Variants in EPB41 observed in about 807,000 individuals in gnomAD.
EPB41 encodes the protein protein 4.1.
Under a neutral mutation model 108.0 loss-of-function variants are expected in EPB41, and 65 were observed. That is an observed-to-expected ratio of 0.60 (90% CI 0.49 to 0.74). The LOEUF is 0.74. Ranked by LOEUF, EPB41 falls within the 30% of genes least tolerant of loss-of-function variation. The probability of loss-of-function intolerance (pLI) is 0.00; values close to 1 mark genes in which losing one functional copy is unlikely to be tolerated. For missense variants in EPB41, 875 were observed against 1,037.0 expected (o/e 0.84, Z 2.15); for synonymous variants, 336 against 358.9 (o/e 0.94, Z 0.72).
rs140065972 is a variant in EPB41, at chr1:28,987,790, T to G, written c.353T>G (p.Phe118Cys). Residue 118 changes from phenylalanine to cysteine, a missense_variant, in exon 2 of 21, where the codon TTT becomes TGT. Physicochemically the swap from Phe to Cys is radical, Grantham distance 205 (BLOSUM62 -2). This residue lies in a region of EPB41 where 353 missense variants were observed against 393.2 expected (regional missense o/e 0.90). Coordinates refer to ENST00000343067, the MANE Select transcript of EPB41 (RefSeq NM_001376013.1). ...GAAGGAGGTCAGAAAGAGATAGAATTTGGAACCAGTCTTGATGAAGAGATC... is the reference window on the plus strand; with the variant it reads ...GAAGGAGGTCAGAAAGAGATAGAATGTGGAACCAGTCTTGATGAAGAGATC... ...KGEGGQKEIE[F>C]GTSLDEEIIL... The G allele has an allele frequency of 4.3e-6, 7 of 1,613,970 alleles. No homozygotes were observed. The highest frequency in any genetic ancestry group is 1.7e-5 in the Admixed American group (1 of 59,978).
At chr1:28,910,898 T>C (rs1406978177), upstream of EPB41, 2 of 864,170 alleles carry the variant, frequency 2.3e-6, no homozygotes, top group Non-Finnish European at 2.8e-6. Flanking sequence ...ATAGAGATGG[T>C]CCTTAGGGAC....
chr1:29,057,373 CA>C (rs72047998), intron 12 of EPB41, among the ~76,000 whole-genome samples: 3,518 of 65,096 alleles, frequency 0.054, 21 homozygotes, highest in Middle Eastern at 0.08. Flanking sequence ...GACTCTGTCT[CA>C]AAAAAAAAAA....
intron 1 of EPB41, among the ~76,000 whole-genome samples, chr1:28,895,165 G>A (rs539762978): frequency 6.6e-6 from 1 of 152,204 alleles, no homozygotes; most frequent in South Asian, 2.1e-4. Context: ...TATCCATAAT[G>A]CTATTTGGCT....
chr1:28,983,273 A>G (rs753020418), intron 1 of EPB41, among the ~76,000 whole-genome samples: 8 of 152,216 alleles, frequency 5.3e-5, no homozygotes, highest in Non-Finnish European at 1.2e-4. Context: ...ACAAGGATTT[A>G]TTTGTTGAGC....
At chr1:29,079,536 A>G (rs1655545559) in intron 16 of EPB41, among the ~76,000 whole-genome samples, 1 of 150,722 alleles carries the variant, frequency 6.6e-6, no homozygotes, top group Non-Finnish European at 1.5e-5. Flanking sequence ...TCAGCTTCCC[A>G]AGTAGCTGGG....
chr1:28,890,064 G>A (rs1238386725), intron 1 of EPB41, among the ~76,000 whole-genome samples: 1 of 151,630 alleles, frequency 6.6e-6, no homozygotes, highest in East Asian at 1.9e-4. Flanking sequence ...TTGAGACAGA[G>A]TCTCACTCTG....
At chr1:28,890,026 T>G (rs963740606) in intron 1 of EPB41, among the ~76,000 whole-genome samples, 5 of 138,464 alleles carry the variant, frequency 3.6e-5, no homozygotes. Flanking sequence ...ATTTTTATTT[T>G]TATTTTATTT....
intron 1 of EPB41, among the ~76,000 whole-genome samples, chr1:28,971,046 C>A (rs1190297835): frequency 6.6e-6 from 1 of 151,968 alleles, no homozygotes; most frequent in Admixed American, 6.6e-5. Flanking sequence ...GAGGGTTTCA[C>A]CATGTTGGCC....
intron 1 of EPB41, among the ~76,000 whole-genome samples, chr1:28,939,429 A>G (rs893897135): frequency 1.3e-5 from 2 of 151,664 alleles, no homozygotes; most frequent in Non-Finnish European, 1.5e-5. Context: ...TTGTGTCTAT[A>G]TTTATTTATT....
chr1:29,096,680 G>A, intron 16 of EPB41: 1 of 842,646 alleles, frequency 1.2e-6, no homozygotes, highest in Non-Finnish European at 1.4e-6. Context: ...TGGAGGAGGT[G>A]GTGGTGGTAT....
intron 1 of EPB41, among the ~76,000 whole-genome samples, chr1:28,939,199 T>C (rs2094174991): frequency 1.3e-5 from 2 of 152,290 alleles, no homozygotes; most frequent in African/African-American, 4.8e-5. Context: ...AGTGATTTTT[T>C]ATCATGAAAG....
intron 16 of EPB41, chr1:29,069,320 G>A (rs1650097466): frequency 2.4e-6 from 3 of 1,231,338 alleles, no homozygotes; most frequent in Non-Finnish European, 3.0e-6. Context: ...ACTATGGATA[G>A]CAGAGTACAG....
intron 1 of EPB41, among the ~76,000 whole-genome samples, chr1:28,939,516 T>C (rs2094187453): frequency 6.6e-6 from 1 of 152,180 alleles, no homozygotes; most frequent in Non-Finnish European, 1.5e-5. Flanking sequence ...CGATCTTGGC[T>C]CACTGCAATG....
At chr1:28,929,136 T>C (rs2093602929) in intron 1 of EPB41, among the ~76,000 whole-genome samples, 1 of 152,224 alleles carries the variant, frequency 6.6e-6, no homozygotes, top group South Asian at 2.1e-4. Flanking sequence ...TGGGAACTAA[T>C]TATTATTTTA....
chr1:29,055,823 G>A (rs1033283307), intron 12 of EPB41, among the ~76,000 whole-genome samples: 1 of 150,538 alleles, frequency 6.6e-6, no homozygotes, highest in Non-Finnish European at 1.5e-5. Context: ...AGCTATTTGG[G>A]AGGCTGAGGC....
intron 4 of EPB41, 56 bp downstream of exon 4, chr1:28,997,375 T>C (rs2096204193): frequency 9.2e-7 from 1 of 1,088,570 alleles, no homozygotes; most frequent in Non-Finnish European, 1.4e-6. Context: ...TTAATTCTTT[T>C]GTTGTTAAGA....
intron 20 of EPB41, among the ~76,000 whole-genome samples, chr1:29,116,445 C>T (rs1246031543): frequency 1.3e-5 from 2 of 152,078 alleles, no homozygotes; most frequent in African/African-American, 2.4e-5. Flanking sequence ...TGAGCCACCG[C>T]GCCTGGCCAG....
chr1:28,982,396 G>C, intron 1 of EPB41: 1 of 730,844 alleles, frequency 1.4e-6, no homozygotes, highest in South Asian at 1.4e-5. Flanking sequence ...ACAAACTTTC[G>C]CAAAAGACTT....
intron 1 of EPB41, among the ~76,000 whole-genome samples, chr1:28,940,705 T>C (rs777196590): frequency 6.6e-6 from 1 of 152,154 alleles, no homozygotes; most frequent in Non-Finnish European, 1.5e-5. Flanking sequence ...GGGGAAACTG[T>C]TCTAGACTGG....
Sources: allele counts gnomAD v4.1 joint callset (sites outside exome capture counted in the v4.1 genomes callset), GRCh38; gene constraint gnomAD v4.1.1; regional missense constraint gnomAD v4.1.1; transcripts MANE v1.5; gene names NCBI Gene and HGNC (gene_info 2026-07-23, HGNC 2026-07-21).